NGFR: variants seen among roughly 807,000 people sequenced by gnomAD.
NGFR encodes the protein tumor necrosis factor receptor superfamily member 16.
A neutral mutation model predicts 43.2 loss-of-function variants in NGFR; 30 were observed. The ratio of observed to expected loss-of-function variants is 0.69; its 90% confidence interval spans 0.52 to 0.94. NGFR has a LOEUF of 0.94. Ranked by LOEUF, NGFR falls within the 40% of genes least tolerant of loss-of-function variation. The pLI is 0.00. For synonymous variants in NGFR, 246 were observed against 259.6 expected, an observed-to-expected ratio of 0.95 and a Z score of 0.50; for missense variants, 529 against 602.5, an observed-to-expected ratio of 0.88 and a Z score of 1.28.
At chr17:49,502,000 A>AGGGC in intron 1 of NGFR, 63 bp from the exon 2 acceptor site, 2 of 264,884 alleles carry the variant, frequency 7.6e-6, no homozygotes, top group Non-Finnish European at 1.6e-5. Flanking sequence ...CCCCGGAAGA[A>AGGGC]CCCCCCCCAA....
intron 1 of NGFR, 63 bp from the exon 2 acceptor site, chr17:49,502,000 A>AGGGGGCC: frequency 3.0e-5 from 8 of 264,886 alleles, no homozygotes; most frequent in Non-Finnish European, 3.9e-5. Context: ...CCCCGGAAGA[A>AGGGGGCC]CCCCCCCCAA....
At chr17:49,506,704 G>GGGGGGGGGGGGGGGC in intron 3 of NGFR, 46 bp downstream of exon 3, 2 of 737,234 alleles carry the variant, frequency 2.7e-6, no homozygotes, top group Non-Finnish European at 3.9e-6. Context: ...GCGGGGGTGG[G>GGGGGGGGGGGGGGGC]CTGGGGGCAT....
At chr17:49,504,958 G>C (rs2071188437) in intron 2 of NGFR, among the ~76,000 whole-genome samples, 1 of 151,802 alleles carries the variant, frequency 6.6e-6, no homozygotes, top group Non-Finnish European at 1.5e-5. Context: ...TTTTTATAGA[G>C]ATGGGGTTTT....
In NGFR at chr17:49,512,673, G is replaced by A. The variant is rs1016412175; in HGVS notation, c.983-35G>A. ...CCCACTGTTGGGGAAAGGAGTTCAG[G>A]GGTAGGACCTGACTCTCCTCTGGTT... On this transcript the variant is annotated intron_variant, in intron 5 of 5. Coordinates refer to ENST00000172229, the MANE Select transcript of NGFR (RefSeq NM_002507.4). This position sits in a 1 kb window ranked among gnomAD's most constrained non-coding sequence, Gnocchi z 5.2. 4 of 1,540,896 alleles carry A rather than the reference G, an allele frequency of 2.6e-6. No homozygotes were observed. Among genetic ancestry groups the A allele is most frequent in the Admixed American group, 1.9e-5 (1 of 51,560 alleles).
At chr17:49,505,426 G>A (rs916279903) in intron 2 of NGFR, among the ~76,000 whole-genome samples, 1 of 152,180 alleles carries the variant, frequency 6.6e-6, no homozygotes, top group African/African-American at 2.4e-5. Context: ...TCCCCTCCCT[G>A]TACAAGGAGG....
rs918920005 is a variant in NGFR, at chr17:49,514,813, C to G, written c.*1804C>G. Reference sequence around the variant, plus strand: ...AGTATGTTTTAGCATGTGTTTGGTTCTGGGGCCCCTTTTTACTCCCCTTGA... The same window carrying G: ...AGTATGTTTTAGCATGTGTTTGGTTGTGGGGCCCCTTTTTACTCCCCTTGA... On this transcript the variant is annotated 3_prime_UTR_variant, in exon 6 of 6. Transcript: ENST00000172229. The G allele has an allele frequency of 4.0e-5, 6 of 151,426 alleles. No individual in the cohort carries two copies. Among genetic ancestry groups the G allele is most frequent in the Non-Finnish European group, 7.4e-5 (5 of 67,828 alleles). The allele number at this position is 151,426 out of a possible 1,614,324, so 9.4% of individuals were successfully genotyped here. A position where few individuals can be genotyped will look rare whatever the true frequency, so the allele number is the denominator to read the frequency against.
intron 1 of NGFR, among the ~76,000 whole-genome samples, chr17:49,498,958 G>C (rs1360186778): frequency 6.6e-6 from 1 of 152,100 alleles, no homozygotes; most frequent in Non-Finnish European, 1.5e-5. Context: ...CTGTAGACCA[G>C]ACATATTTGC....
chr17:49,509,113 G>T (rs112474792), intron 3 of NGFR, among the ~76,000 whole-genome samples: 1 of 152,338 alleles, frequency 6.6e-6, no homozygotes, highest in Non-Finnish European at 1.5e-5. Flanking sequence ...GGGAAGGGTG[G>T]TTTGGGTGAC....
intron 1 of NGFR, 63 bp from the exon 2 acceptor site, chr17:49,502,000 A>AGCCCCCCCCCCC: frequency 1.9e-5 from 5 of 264,882 alleles, no homozygotes; most frequent in Non-Finnish European, 3.9e-5. Flanking sequence ...CCCCGGAAGA[A>AGCCCCCCCCCCC]CCCCCCCCAA....
intron 2 of NGFR, among the ~76,000 whole-genome samples, chr17:49,503,964 G>A (rs2071181893): frequency 6.6e-6 from 1 of 152,104 alleles, no homozygotes; most frequent in East Asian, 1.9e-4. Context: ...GGAAGGGAAG[G>A]GAGGCAGGCA....
In NGFR at chr17:49,502,109, C is replaced by A; in HGVS notation, c.113C>A (p.Thr38Lys). ...GAGGCATGCCCCACAGGCCTGTACACACACAGCGGTGAGTGCTGCAAAGCC... is the reference window on the plus strand; with the variant it reads ...GAGGCATGCCCCACAGGCCTGTACAAACACAGCGGTGAGTGCTGCAAAGCC... ...AKEACPTGLY[T>K]HSGECCKACN... The change falls in exon 2 of 6, where the codon ACA becomes AAA. Residue 38 changes from threonine to lysine, a missense_variant. By Grantham distance (78) the Thr-to-Lys change is moderately conservative. Transcript: ENST00000172229. The A allele has an allele frequency of 6.2e-7, 1 of 1,604,494 alleles. No individual in the cohort carries two copies. Among genetic ancestry groups the A allele is most frequent in the Non-Finnish European group, 8.5e-7 (1 of 1,174,418 alleles).
intron 3 of NGFR, 137 bp from the exon 4 acceptor site, chr17:49,510,275 T>C: frequency 7.8e-7 from 1 of 1,274,828 alleles, no homozygotes; most frequent in Middle Eastern, 2.4e-4. Context: ...ATGCACGCAA[T>C]CCCAGCTGTG....
chr17:49,503,727 ATGGCCACCTGCTC>A (rs1567738857), intron 2 of NGFR, among the ~76,000 whole-genome samples: 4 of 152,014 alleles, frequency 2.6e-5, no homozygotes, highest in African/African-American at 9.7e-5. Flanking sequence ...GTCTTGCTTC[ATGGCCACCTGCTC>A]TGGCCCTGGC....
rs555387703 is a variant in NGFR at position 49,511,814 on chromosome 17, G to A, written c.822-78G>A. The A allele has an allele frequency of 1.0e-4, 144 of 1,432,170 alleles. 2 individuals carry two copies. In the South Asian group the frequency reaches 1.3e-3, roughly 13 times the overall value. The allele number at this position is 1,432,170 out of a possible 1,614,324, so 88.7% of individuals were successfully genotyped here. A position where few individuals can be genotyped will look rare whatever the true frequency, so the allele number is the denominator to read the frequency against. On this transcript the variant is annotated intron_variant, in intron 4 of 5. Transcript: ENST00000172229. ...CCCGCCATGCCCCTGGCCCTCACAC[G>A]GCAGAGCACAGATACTCAGCTGCAT... is the stretch of plus-strand genomic sequence containing the variant.
Position 49,506,329 on chromosome 17 carries a change from C to CCGAGCCGTG in NGFR, c.241_249dup (p.Glu81_Cys83dup), listed in dbSNP as rs1662245177. 6.3e-7 allele frequency: 1 copy of CCGAGCCGTG among 1,577,120 alleles called. No homozygotes were observed. ...ACGTTCTCCGACGTGGTGAGCGCGA[C>CCGAGCCGTG]CGAGCCGTGCAAGCCGTGCACCGAG... is the stretch of plus-strand genomic sequence containing the variant. On this transcript the variant is annotated inframe_insertion, in exon 3 of 6. Coordinates refer to ENST00000172229, the MANE Select transcript of NGFR (RefSeq NM_002507.4).
intron 1 of NGFR, 64 bp from the exon 2 acceptor site, chr17:49,501,999 A>AGGGGCCCCCCCCCCCCCCC: frequency 6.0e-6 from 2 of 330,982 alleles, no homozygotes; most frequent in East Asian, 6.4e-5. Context: ...TCCCCGGAAG[A>AGGGGCCCCCCCCCCCCCCC]ACCCCCCCCA....
At chr17:49,504,116 G>A (rs1019428743) in intron 2 of NGFR, among the ~76,000 whole-genome samples, 2 of 152,020 alleles carry the variant, frequency 1.3e-5, no homozygotes, top group East Asian at 1.9e-4. Context: ...AGACCCCAGC[G>A]GACTTTCCCT....
chr17:49,502,669 A>C (rs1401174047), intron 2 of NGFR, among the ~76,000 whole-genome samples: 1 of 152,080 alleles, frequency 6.6e-6, no homozygotes, highest in Non-Finnish European at 1.5e-5. Context: ...TCCTCCCTAC[A>C]GGCCAACTCT....
At chr17:49,511,845 A>G (rs1160494733) in intron 4 of NGFR, 47 bp from the exon 5 acceptor site, 1 of 1,499,992 alleles carries the variant, frequency 6.7e-7, no homozygotes, top group Middle Eastern at 1.8e-4. Context: ...TGCATCGGCC[A>G]CTACAGCCCC....
Sources: gnomAD v4.1 joint callset for allele counts (sites outside exome capture counted in the v4.1 genomes callset) on GRCh38, gnomAD v4.1.1 for gene constraint, Gnocchi (gnomAD v3.1) non-coding constraint, MANE v1.5 for transcripts, NCBI Gene and HGNC (gene_info 2026-07-23, HGNC 2026-07-21) for gene names.